Variants in GATB observed in about 807,000 individuals in gnomAD.
GATB encodes the protein glutamyl-tRNA(Gln) amidotransferase subunit B, mitochondrial.
A neutral mutation model predicts 62.3 loss-of-function variants in GATB; 39 were observed. The observed-to-expected ratio is 0.63, with a 90% CI of 0.48 to 0.82. GATB has a LOEUF of 0.82. GATB is among the 40% of genes least tolerant of loss of function. GATB has a pLI of 0.00. For missense variants in GATB, 670 were observed against 684.0 expected (o/e 0.98, Z 0.23); for synonymous variants, 276 against 258.9 (o/e 1.07, Z -0.63).
At position 151,705,210 on chromosome 4, in the gene GATB, T is replaced by C. The variant is rs140744747; in HGVS notation, c.937A>G (p.Thr313Ala). The C allele has an allele frequency of 3.7e-6, 6 of 1,613,554 alleles. No homozygotes were observed. The highest frequency in any genetic ancestry group is 4.2e-6 in the Non-Finnish European group (5 of 1,179,558). ...LENGGEILNE[T>A]RSFHHKLGCT... ...CCCAGCTTGTGATGAAATGAGCGTG[T>C]TTCGTTCAGAATTTCACCTCCATTC... Residue 313 changes from threonine to alanine, a missense_variant, in exon 7 of 13, where the codon ACA becomes GCA. Physicochemically the swap from Thr to Ala is moderately conservative, Grantham distance 58. Transcript: ENST00000263985.
At chr4:151,736,525 CAT>C (rs1739377356) in intron 2 of GATB, among the ~76,000 whole-genome samples, 1 of 152,144 alleles carries the variant, frequency 6.6e-6, no homozygotes, top group Admixed American at 6.5e-5. Context: ...AATTGTTACT[CAT>C]ACTGTTGTGA....
rs1738096020 is a variant in GATB, at chr4:151,679,719, T to C, written c.1410+94A>G. 8.9e-6 allele frequency: 9 copies of C among 1,006,764 alleles called. No homozygotes were observed. In the South Asian group the frequency reaches 9.1e-5, roughly 10 times the overall value. The allele number at this position is 1,006,764 out of a possible 1,614,324, so 62.4% of individuals were successfully genotyped here. A position where few individuals can be genotyped will look rare whatever the true frequency, so the allele number is the denominator to read the frequency against. ...CCACTACTGGCATTTAATACTTCCA[T>C]GATGAAAGTCACTCAGTGATGGCAT... On this transcript the variant is annotated intron_variant, in intron 11 of 12. Transcript: ENST00000263985.
intron 2 of GATB, among the ~76,000 whole-genome samples, chr4:151,735,757 T>TATATATATATATATATA (rs1186195836): frequency 1.6e-3 from 219 of 136,194 alleles, no homozygotes; most frequent in South Asian, 2.3e-3. Flanking sequence ...TATATATATA[T>TATATATATATATATATA]GATGGAATAC....
intron 9 of GATB, among the ~76,000 whole-genome samples, chr4:151,700,952 G>A (rs997168492): frequency 1.3e-5 from 2 of 152,200 alleles, no homozygotes; most frequent in South Asian, 2.1e-4. Context: ...GTCATGGCTC[G>A]ATACCGCTAG....
chr4:151,716,015 T>C lies in GATB; in HGVS notation c.757A>G (p.Met253Val), dbSNP rs1225488215. ...LQALGTSQAN[M>V]AEGQLRVDAN... ...CTGCTTCTGTGGCTTCTACCTGCCA[T>C]GTTCGCCTGGCTGGTCCCCAGGGCT... The change falls in exon 5 of 13, where the codon ATG becomes GTG. Residue 253 changes from methionine (M) to valine (V), a missense_variant. Physicochemically the swap from Met to Val is conservative, Grantham distance 21. Coordinates refer to ENST00000263985, the MANE Select transcript of GATB (RefSeq NM_004564.3). 7 of 1,613,714 alleles carry C rather than the reference T, an allele frequency of 4.3e-6. No homozygotes were observed. The highest frequency in any genetic ancestry group is 1.1e-5 in the South Asian group (1 of 90,968).
chr4:151,735,235 G>GAAAA (rs530781519), intron 2 of GATB, among the ~76,000 whole-genome samples: 26 of 98,776 alleles, frequency 2.6e-4, no homozygotes, highest in Admixed American at 3.2e-4. Context: ...AAATCAGTAA[G>GAAAA]AAAAAAAAAA....
Position 151,758,840 on chromosome 4 carries a change from C to T in GATB, c.259G>A (p.Val87Ile). The change falls in exon 2 of 13, where the codon GTT becomes ATT. Residue 87 changes from valine to isoleucine, a missense_variant. By Grantham distance (29) the Val-to-Ile change is conservative. Transcript: ENST00000263985. ...SNSKLFSGSQ[V>I]RFSAPPNSLV... ...GAATTTGGAGGTGCTGAAAAGCGAA[C>T]TTGAGATCCAGAGAAGAGTTTAGAG... 1.2e-6 allele frequency: 2 copies of T among 1,610,658 alleles called. No homozygotes were observed. The highest frequency in any genetic ancestry group is 2.2e-5 in the East Asian group (1 of 44,752).
At chr4:151,671,688 A>AGTGAT (rs1737865973) in intron 12 of GATB, among the ~76,000 whole-genome samples, 1 of 152,124 alleles carries the variant, frequency 6.6e-6, no homozygotes, top group South Asian at 2.1e-4. Context: ...TCTGATTCTC[A>AGTGAT]GTGATGTTCA....
chr4:151,692,539 C>A (rs1738386260), intron 9 of GATB, among the ~76,000 whole-genome samples: 1 of 152,194 alleles, frequency 6.6e-6, no homozygotes, highest in Admixed American at 6.5e-5. Flanking sequence ...ACACCTAGGC[C>A]ACGTGGCATT....
intron 2 of GATB, among the ~76,000 whole-genome samples, chr4:151,728,538 T>C (rs768806163): frequency 3.9e-5 from 6 of 152,198 alleles, no homozygotes; most frequent in Non-Finnish European, 8.8e-5. Flanking sequence ...AAAAAGTATA[T>C]TAATATTTAA....
intron 2 of GATB, among the ~76,000 whole-genome samples, chr4:151,746,843 A>G (rs1296481177): frequency 6.6e-6 from 1 of 152,164 alleles, no homozygotes; most frequent in East Asian, 1.9e-4. Context: ...GAAGTATTCT[A>G]TTTATACACA....
chr4:151,712,861 TTAG>T (rs1199152369), intron 5 of GATB, among the ~76,000 whole-genome samples: 1 of 152,218 alleles, frequency 6.6e-6, no homozygotes, highest in East Asian at 1.9e-4. Context: ...TAATATAGCT[TTAG>T]TCAGAAGTCC....
chr4:151,713,219 C>T (rs1397761968), intron 5 of GATB, among the ~76,000 whole-genome samples: 1 of 152,098 alleles, frequency 6.6e-6, no homozygotes, highest in East Asian at 1.9e-4. Flanking sequence ...TTCTACATTA[C>T]AGTGAGTTGT....
intron 2 of GATB, among the ~76,000 whole-genome samples, chr4:151,733,419 G>A (rs1739307627): frequency 6.6e-6 from 1 of 152,200 alleles, no homozygotes; most frequent in Non-Finnish European, 1.5e-5. Context: ...CTTAAATCAG[G>A]AAGAATTAGA....
chr4:151,674,611 G>A (rs1737956500), intron 11 of GATB: 1 of 152,098 alleles, frequency 6.6e-6, no homozygotes, highest in African/African-American at 2.4e-5. Flanking sequence ...ACATACTTGG[G>A]ATCATAACGT....
Position 151,700,710 on chromosome 4 carries a change from C to T in GATB, c.1197+619G>A, listed in dbSNP as rs367902948. Among the ~76,000 whole-genome samples the T allele has an allele frequency of 2.3e-4, 35 of 152,232 alleles. No individual in the cohort carries two copies. The South Asian group carries it at 7.1e-3, about 31-fold the overall frequency. The stretch of plus-strand genomic sequence containing the variant: ...CTGATGCCGCATCACTTTAATGCTG[C>T]CATGACAAAGAAAACCACAAAGCCC... On this transcript the variant is annotated intron_variant, in intron 9 of 12. Transcript: ENST00000263985.
chr4:151,731,004 C>T (rs999550649), intron 2 of GATB, among the ~76,000 whole-genome samples: 2 of 152,094 alleles, frequency 1.3e-5, no homozygotes, highest in Admixed American at 1.3e-4. Context: ...AAGGCGAAGC[C>T]CAATGCAAGG....
intron 2 of GATB, among the ~76,000 whole-genome samples, chr4:151,727,848 T>C (rs1222258887): frequency 6.6e-6 from 1 of 152,200 alleles, no homozygotes; most frequent in South Asian, 2.1e-4. Context: ...TGTTATTAAA[T>C]GCAAAGTGCC....
At chr4:151,759,705 TC>T (rs1739911873) in intron 1 of GATB, among the ~76,000 whole-genome samples, 1 of 152,310 alleles carries the variant, frequency 6.6e-6, no homozygotes, top group South Asian at 2.1e-4. Flanking sequence ...CATAGGCCTC[TC>T]CAGGTCCTTA....
Sources: allele counts gnomAD v4.1 joint callset (sites outside exome capture counted in the v4.1 genomes callset), GRCh38; gene constraint gnomAD v4.1.1; transcripts MANE v1.5; gene names NCBI Gene and HGNC (gene_info 2026-07-23, HGNC 2026-07-21).